Variants in DLC1 observed in about 807,000 individuals in gnomAD.
DLC1 encodes DLC1 Rho GTPase activating protein.
A neutral mutation model predicts 140.3 loss-of-function variants in DLC1; 54 were observed. The observed-to-expected ratio is 0.38, with a 90% CI of 0.31 to 0.48. The LOEUF is 0.48. DLC1 is among the 20% of genes least tolerant of loss of function. DLC1 has a pLI of 0.96. For missense variants in DLC1, 2,536 were observed against 1,907.0 expected, an observed-to-expected ratio of 1.33 and a Z score of -6.14; for synonymous variants, 986 against 728.1, an observed-to-expected ratio of 1.35 and a Z score of -5.70.
At chr8:13,530,362 A>T (rs368655942) in intron 1 of DLC1, among the ~76,000 whole-genome samples, 8 of 152,350 alleles carry the variant, frequency 5.3e-5, no homozygotes, top group Admixed American at 2.0e-4. Flanking sequence ...GTTTTTAAAA[A>T]TTCCTTGAAA....
rs35092529 is a variant in DLC1, at chr8:13,187,152, CT to C, written c.1349-71496del. 1.1e-3 allele frequency among the ~76,000 whole-genome samples: 160 copies of C among 151,760 alleles called. 5 individuals carry two copies. The highest frequency in any genetic ancestry group is 0.011 in the Admixed American group (160 of 15,236). Reference sequence around the variant, plus strand: ...TCCTCCCCACCTCTTCCCTGCTTTACTTTTTTTTCCATAGCACTTATTACCT... The same window carrying C: ...TCCTCCCCACCTCTTCCCTGCTTTACTTTTTTTCCATAGCACTTATTACCT... On this transcript the variant is annotated intron_variant, in intron 5 of 17. Transcript: ENST00000276297.
chr8:13,433,657 T>C (rs918304452), intron 2 of DLC1, among the ~76,000 whole-genome samples: 2 of 152,252 alleles, frequency 1.3e-5, no homozygotes. Flanking sequence ...GGTAGGCTGA[T>C]ATCTTTAATT....
chr8:13,251,596 C>G (rs1830007140), intron 5 of DLC1, among the ~76,000 whole-genome samples: 1 of 151,914 alleles, frequency 6.6e-6, no homozygotes, highest in Non-Finnish European at 1.5e-5. Flanking sequence ...TAAATTTATC[C>G]ATCTATTCAA....
intron 5 of DLC1, among the ~76,000 whole-genome samples, chr8:13,277,595 C>A (rs1010809119): frequency 6.6e-6 from 1 of 152,176 alleles, no homozygotes; most frequent in African/African-American, 2.4e-5. Context: ...GCTTCTTTTA[C>A]AAGATATGCG....
At chr8:13,586,941 C>T (rs1005555729) in intron 1 of DLC1, among the ~76,000 whole-genome samples, 2 of 152,048 alleles carry the variant, frequency 1.3e-5, no homozygotes, top group African/African-American at 4.8e-5. Flanking sequence ...CATCAGGTGC[C>T]TCAATATAAT....
chr8:13,525,399 C>G (rs1802889650), intron 1 of DLC1, among the ~76,000 whole-genome samples: 1 of 152,202 alleles, frequency 6.6e-6, no homozygotes, highest in East Asian at 1.9e-4. Flanking sequence ...ATATTTTTAC[C>G]TTTAACTCTC....
chr8:13,226,919 G>A (rs986088402), intron 5 of DLC1, among the ~76,000 whole-genome samples: 3 of 152,056 alleles, frequency 2.0e-5, no homozygotes, highest in African/African-American at 7.2e-5. Flanking sequence ...ATGGTTTTGG[G>A]TATAGACTAT....
intron 1 of DLC1, among the ~76,000 whole-genome samples, chr8:13,564,061 TATC>T (rs1163226213): frequency 3.9e-5 from 6 of 152,294 alleles, no homozygotes; most frequent in East Asian, 1.9e-4. Flanking sequence ...ATTTGTGGCT[TATC>T]ATTTTCTTTT....
At chr8:13,389,392 A>T (rs148587658) in intron 4 of DLC1, among the ~76,000 whole-genome samples, 113 of 152,184 alleles carry the variant, frequency 7.4e-4, no homozygotes, top group Middle Eastern at 3.4e-3. Flanking sequence ...ATAACATGAT[A>T]CAAGGGCTCG....
chr8:13,269,227 T>C (rs1830819572), intron 5 of DLC1, among the ~76,000 whole-genome samples: 1 of 152,060 alleles, frequency 6.6e-6, no homozygotes, highest in Non-Finnish European at 1.5e-5. Flanking sequence ...CTAAGAAGAG[T>C]AAAAGCAGTA....
intron 2 of DLC1, among the ~76,000 whole-genome samples, chr8:13,465,681 A>T (rs536993180): frequency 7.2e-4 from 109 of 152,220 alleles, no homozygotes; most frequent in African/African-American, 2.6e-3. Flanking sequence ...ATTTTATTTT[A>T]AAAAATTATT....
intron 4 of DLC1, among the ~76,000 whole-genome samples, chr8:13,392,042 C>G (rs79701994): frequency 0.028 from 4,292 of 152,076 alleles, 227 homozygotes; most frequent in African/African-American, 0.095. Flanking sequence ...AATTTTGCAT[C>G]TCAACTTTCC....
intron 2 of DLC1, among the ~76,000 whole-genome samples, chr8:13,404,659 C>G (rs938097200): frequency 2.6e-5 from 4 of 151,902 alleles, no homozygotes; most frequent in African/African-American, 4.8e-5. Context: ...AGGAATTTAC[C>G]TTGTTGCCCA....
chr8:13,321,325 G>T (rs977053080), intron 4 of DLC1, among the ~76,000 whole-genome samples: 4 of 152,012 alleles, frequency 2.6e-5, no homozygotes, highest in African/African-American at 9.7e-5. Flanking sequence ...AGGTCACAAG[G>T]TCAGGAGATG....
intron 4 of DLC1, among the ~76,000 whole-genome samples, chr8:13,356,822 C>G (rs1049371843): frequency 6.6e-6 from 1 of 151,660 alleles, no homozygotes; most frequent in Admixed American, 6.6e-5. Context: ...ATTCCTGGAC[C>G]ACACTTCACT....
At chr8:13,538,266 G>A (rs1345260704) in intron 1 of DLC1, among the ~76,000 whole-genome samples, 1 of 151,918 alleles carries the variant, frequency 6.6e-6, no homozygotes, top group African/African-American at 2.4e-5. Flanking sequence ...ATTGAGTGTG[G>A]CTCAAGCACT....
intron 5 of DLC1, among the ~76,000 whole-genome samples, chr8:13,253,815 A>G (rs988781061): frequency 3.9e-5 from 6 of 152,178 alleles, no homozygotes; most frequent in African/African-American, 1.4e-4. Context: ...AATAACCTTC[A>G]TGTATTAGTA....
At chr8:13,472,730 C>T (rs1318820489) in intron 2 of DLC1, among the ~76,000 whole-genome samples, 1 of 152,136 alleles carries the variant, frequency 6.6e-6, no homozygotes, top group African/African-American at 2.4e-5. Flanking sequence ...GAGGGATTCC[C>T]CATTCAGAAG....
At chr8:13,166,276 C>G (rs1367419284) in intron 5 of DLC1, among the ~76,000 whole-genome samples, 2 of 152,202 alleles carry the variant, frequency 1.3e-5, no homozygotes, top group Admixed American at 1.3e-4. Context: ...GGCCATCATT[C>G]CTTTTGATCA....
Sources: allele counts gnomAD v4.1 joint callset (sites outside exome capture counted in the v4.1 genomes callset), GRCh38; gene constraint gnomAD v4.1.1; transcripts MANE v1.5; gene names NCBI Gene and HGNC (gene_info 2026-07-23, HGNC 2026-07-21).